The following BACE2 variants were observed in gnomAD, a reference collection of about 807,000 sequenced individuals.
The protein encoded by BACE2 is 56 kDa aspartic-like protease.
In BACE2, 17 loss-of-function variants were observed where a neutral mutation model predicts 46.2. The ratio of observed to expected loss-of-function variants is 0.37; its 90% confidence interval spans 0.25 to 0.55. The LOEUF (loss-of-function observed/expected upper bound fraction) is 0.55, where lower values mean the gene tolerates loss of function less well. BACE2 is among the 20% of genes least tolerant of loss of function. The probability of loss-of-function intolerance (pLI) is 0.82; values close to 1 mark genes in which losing one functional copy is unlikely to be tolerated. For synonymous variants in BACE2, 277 were observed against 295.9 expected, an observed-to-expected ratio of 0.94 and a Z score of 0.66; for missense variants, 595 against 698.1, an observed-to-expected ratio of 0.85 and a Z score of 1.66.
chr21:41,179,173 G>C (rs765755406), intron 1 of BACE2: 16 of 1,261,008 alleles, frequency 1.3e-5, no homozygotes, highest in Non-Finnish European at 1.7e-5. Context: ...AGGAGTGAGG[G>C]TGTCAGGGTG....
At chr21:41,191,431 TA>T (rs1209365765) in intron 1 of BACE2, among the ~76,000 whole-genome samples, 1 of 152,174 alleles carries the variant, frequency 6.6e-6, no homozygotes, top group Non-Finnish European at 1.5e-5. Context: ...CCACGGATGG[TA>T]GTCTTGGCAG....
rs2088554657 is a variant in BACE2, at chr21:41,282,166, A to C, written c.*6542A>C. 6.6e-6 allele frequency: 1 copy of C among 152,234 alleles called. No homozygotes were observed. The allele number at this position is 152,234 out of a possible 1,614,324, so 9.4% of individuals were successfully genotyped here. On this transcript the variant is annotated 3_prime_UTR_variant, in exon 9 of 9. Coordinates refer to ENST00000330333, the MANE Select transcript of BACE2 (RefSeq NM_012105.5). ...AGATGCAAAAAGTAGTGCTTTGCAA[A>C]ACGTTTGTTTTCTGTTTATCTCAGA...
chr21:41,175,510 G>A (rs548498330), intron 1 of BACE2: 2 of 152,390 alleles, frequency 1.3e-5, no homozygotes, highest in Admixed American at 6.5e-5. Flanking sequence ...TCCAAAGCCA[G>A]TGCTTGGGAA....
At chr21:41,197,087 G>A (rs544884630) in intron 1 of BACE2, among the ~76,000 whole-genome samples, 1 of 152,054 alleles carries the variant, frequency 6.6e-6, no homozygotes, top group South Asian at 2.1e-4. Context: ...TCAGCCTCCC[G>A]AGTAGCTGGG....
At chr21:41,232,167 G>A (rs929945440) in intron 2 of BACE2, among the ~76,000 whole-genome samples, 3 of 152,104 alleles carry the variant, frequency 2.0e-5, no homozygotes, top group Non-Finnish European at 4.4e-5. Context: ...GTGTTCATTA[G>A]TCACAAGCGG....
intron 1 of BACE2, among the ~76,000 whole-genome samples, chr21:41,171,535 G>A (rs891131223): frequency 2.0e-5 from 3 of 152,230 alleles, no homozygotes; most frequent in Non-Finnish European, 2.9e-5. Context: ...CCAGGTTTGC[G>A]GCTGATCCCA....
At chr21:41,234,714 C>T (rs1987065718) in intron 2 of BACE2, among the ~76,000 whole-genome samples, 1 of 152,220 alleles carries the variant, frequency 6.6e-6, no homozygotes, top group African/African-American at 2.4e-5. Flanking sequence ...TCAACATAAG[C>T]GTGTTCATCT....
At chr21:41,234,597 C>G (rs2898441) in intron 2 of BACE2, among the ~76,000 whole-genome samples, 74,210 of 152,110 alleles carry the variant, frequency 0.49, 20,538 homozygotes, top group African/African-American at 0.75. Context: ...GTTCTAGATC[C>G]TATTCTCCAA....
intron 1 of BACE2, among the ~76,000 whole-genome samples, chr21:41,213,867 A>G (rs921871156): frequency 6.6e-6 from 1 of 152,108 alleles, no homozygotes; most frequent in Non-Finnish European, 1.5e-5. Flanking sequence ...ATTCTTCCTG[A>G]AAAATCCTTT....
intron 3 of BACE2, 131 bp from the exon 4 acceptor site, chr21:41,241,686 GGT>G: frequency 1.0e-6 from 1 of 993,268 alleles, no homozygotes; most frequent in Non-Finnish European, 1.5e-6. Context: ...ATCACAAGCT[GGT>G]GTACTGTTGA....
rs969958014 is a variant in BACE2 at position 41,265,366 on chromosome 21, A to G, written c.1303+8040A>G. ...CTAGGTTAAATTATTAGAATTGCTG[A>G]GTTAAAAGGTATACATATTTGTAAT... On this transcript the variant is annotated intron_variant, in intron 8 of 8. Transcript: ENST00000330333. Among the ~76,000 whole-genome samples, 5 of 152,226 alleles carry G rather than the reference A, an allele frequency of 3.3e-5. No individual in the cohort carries two copies. The East Asian group carries it at 7.7e-4, about 23-fold the overall frequency.
At chr21:41,227,691 G>A (rs1024236037) in intron 2 of BACE2, among the ~76,000 whole-genome samples, 3 of 152,178 alleles carry the variant, frequency 2.0e-5, no homozygotes, top group Non-Finnish European at 4.4e-5. Context: ...CCTATAGCTT[G>A]GTTTATGGCT....
chr21:41,217,180 C>T (rs573040488), intron 1 of BACE2, among the ~76,000 whole-genome samples: 1 of 152,194 alleles, frequency 6.6e-6, no homozygotes. Flanking sequence ...CTGCCCGCCT[C>T]GGCCTCCCAA....
At chr21:41,261,981 C>T (rs1446433552) in intron 8 of BACE2, among the ~76,000 whole-genome samples, 1 of 152,100 alleles carries the variant, frequency 6.6e-6, no homozygotes, top group Non-Finnish European at 1.5e-5. Context: ...TCATGACTTT[C>T]ACCCCTAAAT....
In BACE2 at chr21:41,241,892, A is replaced by C; in HGVS notation, c.692A>C (p.Gln231Pro). ...QANIPNVFSM[Q>P]MCGAGLPVAG... ...AACATCCCCAACGTTTTCTCCATGC[A>C]GATGTGTGGAGCCGGCTTGCCCGTT... is the stretch of plus-strand genomic sequence containing the variant. Residue 231 changes from glutamine (Q) to proline (P), a missense_variant, in exon 4 of 9, where the codon CAG (glutamine) becomes CCG (proline). Around this residue, in one of 3 missense-constraint regions of BACE2, gnomAD observed 343 missense variants for 419.4 expected, o/e 0.82. Coordinates refer to ENST00000330333, the MANE Select transcript of BACE2 (RefSeq NM_012105.5). 1 of 1,614,156 alleles carries C rather than the reference A, an allele frequency of 6.2e-7. No individual in the cohort carries two copies. Among genetic ancestry groups the C allele is most frequent in the Non-Finnish European group, 8.5e-7 (1 of 1,180,016 alleles).
At chr21:41,257,030 TTTC>T in intron 7 of BACE2, 125 bp from the exon 8 acceptor site, 2 of 980,456 alleles carry the variant, frequency 2.0e-6, no homozygotes, top group Admixed American at 2.3e-5. Context: ...TGAGATCATC[TTTC>T]TTCTCCCGTG....
intron 8 of BACE2, among the ~76,000 whole-genome samples, chr21:41,268,745 T>G (rs893225475): frequency 3.9e-5 from 6 of 152,040 alleles, no homozygotes; most frequent in African/African-American, 1.2e-4. Flanking sequence ...CCAGGCCCTA[T>G]CTCAAAAAAA....
chr21:41,230,599 G>T (rs1436901845), intron 2 of BACE2, among the ~76,000 whole-genome samples: 1 of 152,148 alleles, frequency 6.6e-6, no homozygotes, highest in Non-Finnish European at 1.5e-5. Context: ...ATAAGGTTCT[G>T]GTTGGGTTTG....
chr21:41,226,857 C>CAAGAACAGAACA (rs1358704349), intron 2 of BACE2, among the ~76,000 whole-genome samples: 2 of 152,186 alleles, frequency 1.3e-5, no homozygotes, highest in Non-Finnish European at 2.9e-5. Context: ...GGTTGGTTTG[C>CAAGAACAGAACA]AACACTCATT....
Sources: gnomAD v4.1 joint callset for allele counts (sites outside exome capture counted in the v4.1 genomes callset) on GRCh38, gnomAD v4.1.1 for gene constraint, gnomAD v4.1.1 regional missense constraint, MANE v1.5 for transcripts, NCBI Gene and HGNC (gene_info 2026-07-23, HGNC 2026-07-21) for gene names.